The following CEP128 variants were observed in gnomAD, a reference collection of about 807,000 sequenced individuals.
CEP128 encodes the protein centrosomal protein 128.
CEP128 carries 132 observed loss-of-function variants against 156.7 expected under a neutral mutation model. That is an observed-to-expected ratio of 0.84 (90% CI 0.73 to 0.97). The LOEUF is 0.97. Among genes scored for constraint, CEP128 ranks in the 50% least tolerant of loss-of-function variants. The pLI is 0.00. For missense variants in CEP128, 1,252 were observed against 1,281.9 expected (o/e 0.98, Z 0.36); for synonymous variants, 469 against 448.9 (o/e 1.04, Z -0.57).
chr14:80,731,336 C>A (rs976804893), intron 19 of CEP128, among the ~76,000 whole-genome samples: 5 of 152,200 alleles, frequency 3.3e-5, no homozygotes, highest in African/African-American at 1.2e-4. Flanking sequence ...TCCCTCCCAG[C>A]CTAAGCTGCC....
intron 9 of CEP128, among the ~76,000 whole-genome samples, chr14:80,858,053 T>A (rs972240854): frequency 1.3e-5 from 2 of 152,020 alleles, no homozygotes; most frequent in Non-Finnish European, 1.5e-5. Context: ...TACTTTAAAG[T>A]TCATATGGAA....
chr14:80,907,046 C>G (rs1883922621), intron 4 of CEP128, among the ~76,000 whole-genome samples: 1 of 152,056 alleles, frequency 6.6e-6, no homozygotes, highest in African/African-American at 2.4e-5. Flanking sequence ...GGTAGAACAC[C>G]ATTTACGGGG....
At chr14:80,678,216 T>C (rs1896169636) in intron 19 of CEP128, among the ~76,000 whole-genome samples, 2 of 151,802 alleles carry the variant, frequency 1.3e-5, no homozygotes, top group Admixed American at 1.3e-4. Flanking sequence ...ATCCAAACTT[T>C]CTATTACTTT....
intron 20 of CEP128, among the ~76,000 whole-genome samples, chr14:80,560,966 A>G (rs945782797): frequency 6.6e-6 from 1 of 152,170 alleles, no homozygotes; most frequent in Non-Finnish European, 1.5e-5. Context: ...AAAGAGAGAA[A>G]AATGGCGCAC....
upstream of CEP128, among the ~76,000 whole-genome samples, chr14:80,942,580 G>A (rs938753081): frequency 6.6e-6 from 1 of 152,100 alleles, no homozygotes; most frequent in African/African-American, 2.4e-5. Context: ...CCTGATCTGT[G>A]AAAGCTTTCC....
chr14:80,858,064 C>T (rs1214325645), intron 9 of CEP128, among the ~76,000 whole-genome samples: 5 of 152,206 alleles, frequency 3.3e-5, no homozygotes, highest in South Asian at 4.1e-4. Context: ...TCATATGGAA[C>T]CAAAAAAGAG....
intron 14 of CEP128, among the ~76,000 whole-genome samples, chr14:80,786,900 G>C (rs1450278954): frequency 6.6e-6 from 1 of 152,104 alleles, no homozygotes; most frequent in African/African-American, 2.4e-5. Flanking sequence ...TTTGGCTCAG[G>C]AGTTCAAGAC....
At chr14:80,562,347 T>TG (rs1269791876) in intron 20 of CEP128, among the ~76,000 whole-genome samples, 12 of 129,242 alleles carry the variant, frequency 9.3e-5, no homozygotes, top group African/African-American at 3.6e-4. Context: ...CATTAACCTT[T>TG]CAGTAATTCA....
At chr14:80,553,975 G>A (rs186069093) in intron 21 of CEP128, among the ~76,000 whole-genome samples, 198 of 152,256 alleles carry the variant, frequency 1.3e-3, no homozygotes, top group African/African-American at 4.5e-3. Context: ...CAGTGCTAAG[G>A]TGATTTACCC....
chr14:80,584,393 G>A (rs994380772), intron 19 of CEP128, among the ~76,000 whole-genome samples: 6 of 151,958 alleles, frequency 3.9e-5, no homozygotes, highest in South Asian at 4.2e-4. Flanking sequence ...TGATCCGCCC[G>A]CCTCGGCCTC....
intron 24 of CEP128, among the ~76,000 whole-genome samples, chr14:80,503,362 T>C (rs768684512): frequency 6.6e-6 from 1 of 152,192 alleles, no homozygotes; most frequent in Non-Finnish European, 1.5e-5. Context: ...ATGACCACAA[T>C]TGGTCATGAA....
At chr14:80,954,444 T>C (rs1455232779) in intron 2 of CEP128, among the ~76,000 whole-genome samples, 4 of 152,318 alleles carry the variant, frequency 2.6e-5, no homozygotes, top group African/African-American at 7.2e-5. Flanking sequence ...AAATTTGGAA[T>C]ACACATATTT....
chr14:80,578,313 T>C (rs1891443366), intron 20 of CEP128, among the ~76,000 whole-genome samples: 1 of 152,102 alleles, frequency 6.6e-6, no homozygotes, highest in Non-Finnish European at 1.5e-5. Flanking sequence ...ACCTCATTTA[T>C]AGGAAATTGG....
chr14:80,852,318 T>C (rs1445268246), intron 9 of CEP128, among the ~76,000 whole-genome samples: 1 of 151,920 alleles, frequency 6.6e-6, no homozygotes, highest in African/African-American at 2.4e-5. Flanking sequence ...AAATAAGTTT[T>C]GAGTTATAGA....
At chr14:80,889,413 C>T (rs182348472) in intron 8 of CEP128, among the ~76,000 whole-genome samples, 37 of 152,276 alleles carry the variant, frequency 2.4e-4, no homozygotes, top group African/African-American at 7.5e-4. Context: ...CAGCATGGTA[C>T]TGGTACCAAA....
chr14:80,703,356 C>G (rs1897136291), intron 19 of CEP128, among the ~76,000 whole-genome samples: 1 of 152,032 alleles, frequency 6.6e-6, no homozygotes, highest in Non-Finnish European at 1.5e-5. Flanking sequence ...ATCCAGTTAA[C>G]AAGCCTTCAG....
At chr14:80,563,922 A>T (rs761778387) in intron 20 of CEP128, among the ~76,000 whole-genome samples, 12 of 152,204 alleles carry the variant, frequency 7.9e-5, no homozygotes, top group Non-Finnish European at 1.3e-4. Flanking sequence ...AAATGTATTT[A>T]TTTCCTCTTT....
chr14:80,849,569 T>C (rs2065469147), intron 9 of CEP128, among the ~76,000 whole-genome samples: 2 of 152,196 alleles, frequency 1.3e-5, no homozygotes, highest in South Asian at 4.1e-4. Context: ...TGGACAAAGA[T>C]ATATAAGAAA....
chr14:80,787,833 C>T (rs1204247375), intron 14 of CEP128, among the ~76,000 whole-genome samples: 1 of 152,114 alleles, frequency 6.6e-6, no homozygotes, highest in Admixed American at 6.6e-5. Context: ...ATTATATCTT[C>T]CTGAAGTTGG....
Sources: gnomAD v4.1 joint callset for allele counts (sites outside exome capture counted in the v4.1 genomes callset) on GRCh38, gnomAD v4.1.1 for gene constraint, MANE v1.5 for transcripts, NCBI Gene and HGNC (gene_info 2026-07-23, HGNC 2026-07-21) for gene names.